TECRL: variants seen among roughly 807,000 people sequenced by gnomAD.
TECRL encodes the protein trans-2,3-enoyl-CoA reductase like.
In TECRL, 63 loss-of-function variants were observed where a neutral mutation model predicts 52.8. The observed-to-expected ratio is 1.19, with a 90% confidence interval of 0.97 to 1.47. TECRL has a LOEUF of 1.47. Among genes scored for constraint, TECRL ranks in the 40% most tolerant of loss-of-function variants. TECRL has a pLI of 0.00. For missense variants in TECRL, 482 were observed against 429.6 expected, an observed-to-expected ratio of 1.12 and a Z score of -1.08; for synonymous variants, 164 against 141.9, an observed-to-expected ratio of 1.16 and a Z score of -1.10.
chr4:64,333,385 C>T (rs1165331401), intron 2 of TECRL, among the ~76,000 whole-genome samples: 1 of 152,036 alleles, frequency 6.6e-6, no homozygotes, highest in Non-Finnish European at 1.5e-5. Context: ...ATTAGATTAA[C>T]ATCTAAAGGA....
At chr4:64,332,450 A>G (rs573757454) in intron 2 of TECRL, among the ~76,000 whole-genome samples, 9 of 152,240 alleles carry the variant, frequency 5.9e-5, no homozygotes, top group African/African-American at 1.7e-4. Flanking sequence ...CTTTATTCAG[A>G]CCCTATAATT....
chr4:64,343,604 A>G (rs1197061371), intron 2 of TECRL, among the ~76,000 whole-genome samples: 1 of 152,012 alleles, frequency 6.6e-6, no homozygotes, highest in East Asian at 1.9e-4. Flanking sequence ...ACACACACAC[A>G]CTTACTTAAA....
chr4:64,360,392 G>C (rs1721090581), intron 2 of TECRL, among the ~76,000 whole-genome samples: 1 of 152,096 alleles, frequency 6.6e-6, no homozygotes, highest in Non-Finnish European at 1.5e-5. Context: ...TATTCAAGTT[G>C]TTGAACTATT....
At chr4:64,283,542 T>C (rs1202051789) in intron 9 of TECRL, among the ~76,000 whole-genome samples, 1 of 152,042 alleles carries the variant, frequency 6.6e-6, no homozygotes, top group African/African-American at 2.4e-5. Flanking sequence ...TCTGGTCTAA[T>C]ATTACAAGTG....
chr4:64,378,079 G>A (rs1403941001), intron 1 of TECRL, among the ~76,000 whole-genome samples: 1 of 152,066 alleles, frequency 6.6e-6, no homozygotes, highest in East Asian at 1.9e-4. Context: ...AAGATGAACT[G>A]ATATAAATAA....
chr4:64,296,429 A>G (rs1174714553), intron 8 of TECRL, among the ~76,000 whole-genome samples: 1 of 151,876 alleles, frequency 6.6e-6, no homozygotes, highest in African/African-American at 2.4e-5. Context: ...AAAACACCTA[A>G]GTGACTGAAT....
chr4:64,309,879 A>C lies in TECRL; in HGVS notation c.604T>G (p.Leu202Val), dbSNP rs1216765576. 6.2e-7 allele frequency: 1 copy of C among 1,613,042 alleles called. No homozygotes were observed. Among genetic ancestry groups the C allele is most frequent in the Admixed American group, 1.7e-5 (1 of 59,954 alleles). Residue 202 changes from leucine to valine, a missense_variant, in exon 6 of 12, where the codon TTA becomes GTA. Leu to Val is a conservative substitution (Grantham distance 32). Transcript: ENST00000381210. ...IHYIRYLLET[L>V]FVHKVSAGHT... is the part of the protein sequence containing the mutation. ...CCTGCAGAAACTTTGTGAACAAATA[A>C]GGTTTCCAAAAGGTATCGGATGTAG...
intron 4 of TECRL, among the ~76,000 whole-genome samples, chr4:64,315,989 C>A (rs893670853): frequency 2.7e-5 from 2 of 74,248 alleles, no homozygotes; most frequent in Non-Finnish European, 5.2e-5. Context: ...TTATGGCTTA[C>A]AAAATACCCC....
At chr4:64,314,795 T>A (rs1228691514) in intron 4 of TECRL, 32 bp from the exon 5 acceptor site, 6 of 1,447,828 alleles carry the variant, frequency 4.1e-6, no homozygotes, top group East Asian at 4.5e-5. Context: ...GATTAAACGA[T>A]AAAAATAGAT....
chr4:64,281,288 A>G (rs903703034), intron 10 of TECRL, among the ~76,000 whole-genome samples, 186 bp downstream of exon 10: 1 of 151,944 alleles, frequency 6.6e-6, no homozygotes, highest in Non-Finnish European at 1.5e-5. Flanking sequence ...TAAGAAAATG[A>G]AAGACATTGT....
intron 1 of TECRL, among the ~76,000 whole-genome samples, chr4:64,408,786 C>G (rs1317103999): frequency 6.6e-6 from 1 of 151,960 alleles, no homozygotes; most frequent in Non-Finnish European, 1.5e-5. Flanking sequence ...AGACAAAAAC[C>G]TGGAGACATT....
intron 2 of TECRL, among the ~76,000 whole-genome samples, chr4:64,358,320 T>G (rs1451140363): frequency 1.3e-5 from 2 of 151,792 alleles, no homozygotes; most frequent in Non-Finnish European, 3.0e-5. Context: ...TTTTTCAACA[T>G]CTAAAAAATA....
Position 64,312,978 on chromosome 4 carries a change from C to T in TECRL, c.551+1670G>A, listed in dbSNP as rs148547741. 2.2e-4 allele frequency among the ~76,000 whole-genome samples: 34 copies of T among 152,212 alleles called. No individual in the cohort carries two copies. The East Asian group carries it at 6.0e-3, about 27-fold the overall frequency. The stretch of plus-strand genomic sequence containing the variant: ...TACGAAAATGTGAAGAAGTACCTTC[C>T]GCCATAATTGTAAGTTTCTTGAGGC... On this transcript the variant is annotated intron_variant, in intron 5 of 11. Transcript: ENST00000381210.
intron 4 of TECRL, among the ~76,000 whole-genome samples, chr4:64,316,492 A>C (rs1308159709): frequency 2.0e-5 from 3 of 152,146 alleles, no homozygotes; most frequent in Non-Finnish European, 4.4e-5. Flanking sequence ...CAAATAGAAG[A>C]AAGGGGAAAA....
At chr4:64,299,429 ATAAT>A (rs970279906) in intron 8 of TECRL, among the ~76,000 whole-genome samples, 2 of 151,192 alleles carry the variant, frequency 1.3e-5, no homozygotes, top group Admixed American at 6.6e-5. Context: ...GTCAAATGAA[ATAAT>A]TAATGCATTT....
rs1412715093 is a variant in TECRL, at chr4:64,281,105, A to G, written c.919-19T>C. On this transcript the variant is annotated intron_variant, in intron 10 of 11. Coordinates refer to ENST00000381210, the MANE Select transcript of TECRL (RefSeq NM_001010874.5). ...ATCCAATCTGTTATATTAAAACTTA[A>G]ATTAGCACATACATAAATGGAATCT... is the stretch of plus-strand genomic sequence containing the variant. 6.3e-7 allele frequency: 1 copy of G among 1,582,328 alleles called. No homozygotes were observed. Among genetic ancestry groups the G allele is most frequent in the African/African-American group, 1.3e-5 (1 of 74,434 alleles).
chr4:64,347,662 C>T (rs1720082592), intron 2 of TECRL, among the ~76,000 whole-genome samples: 1 of 152,044 alleles, frequency 6.6e-6, no homozygotes, highest in Non-Finnish European at 1.5e-5. Context: ...TTTATAAAGC[C>T]ATCATGTGTC....
chr4:64,329,035 A>C (rs1718449129), intron 2 of TECRL, among the ~76,000 whole-genome samples: 1 of 151,912 alleles, frequency 6.6e-6, no homozygotes, highest in Non-Finnish European at 1.5e-5. Context: ...ATTGACTTTT[A>C]ATATTATGAG....
intron 4 of TECRL, among the ~76,000 whole-genome samples, chr4:64,318,561 C>T (rs761134020): frequency 5.3e-5 from 8 of 151,572 alleles, no homozygotes; most frequent in African/African-American, 1.2e-4. Context: ...GTCAAATTGC[C>T]GATAACAAAA....
Sources: allele counts gnomAD v4.1 joint callset (sites outside exome capture counted in the v4.1 genomes callset), GRCh38; gene constraint gnomAD v4.1.1; transcripts MANE v1.5; gene names NCBI Gene and HGNC (gene_info 2026-07-23, HGNC 2026-07-21).